NEXN: variants seen among roughly 807,000 people sequenced by gnomAD.
The protein encoded by NEXN is nexilin.
NEXN carries 65 observed loss-of-function variants against 92.6 expected under a neutral mutation model. The ratio of observed to expected loss-of-function variants is 0.70; its 90% confidence interval spans 0.57 to 0.86. NEXN has a LOEUF of 0.86. Among genes scored for constraint, NEXN ranks in the 40% least tolerant of loss-of-function variants. The probability of loss-of-function intolerance (pLI) is 0.00; values close to 1 mark genes in which losing one functional copy is unlikely to be tolerated. For synonymous variants in NEXN, 254 were observed against 242.5 expected, an observed-to-expected ratio of 1.05 and a Z score of -0.44; for missense variants, 778 against 771.1, an observed-to-expected ratio of 1.01 and a Z score of -0.11.
At chr1:77,911,924 C>T (rs1343545683) in intron 1 of NEXN, among the ~76,000 whole-genome samples, 2 of 151,460 alleles carry the variant, frequency 1.3e-5, no homozygotes, top group Non-Finnish European at 1.5e-5. Context: ...ACTAAAAATA[C>T]AAAAATTAGC....
chr1:77,898,831 T>C (rs1647443774), intron 1 of NEXN, among the ~76,000 whole-genome samples: 1 of 151,746 alleles, frequency 6.6e-6, no homozygotes, highest in Non-Finnish European at 1.5e-5. Flanking sequence ...AACAACCCCA[T>C]CAAAAAGTGG....
chr1:77,894,530 T>C (rs916010544), intron 1 of NEXN, among the ~76,000 whole-genome samples: 2 of 151,824 alleles, frequency 1.3e-5, no homozygotes, highest in Non-Finnish European at 2.9e-5. Flanking sequence ...AGTCTCTATG[T>C]CCCAGCTTCA....
At chr1:77,908,036 G>A (rs1290414591) in intron 1 of NEXN, among the ~76,000 whole-genome samples, 2 of 151,956 alleles carry the variant, frequency 1.3e-5, no homozygotes, top group Non-Finnish European at 2.9e-5. Flanking sequence ...ATCACTTGAG[G>A]CCAGGAGTTC....
intron 1 of NEXN, among the ~76,000 whole-genome samples, chr1:77,905,570 T>C (rs529956430): frequency 6.6e-6 from 1 of 151,212 alleles, no homozygotes; most frequent in African/African-American, 2.4e-5. Context: ...TGCAAGCCTG[T>C]AGTACCACTC....
intron 11 of NEXN, chr1:77,941,596 TAAGAAGGGTA>T (rs1557996066): frequency 5.2e-6 from 1 of 193,414 alleles, no homozygotes; most frequent in African/African-American, 2.4e-5. Context: ...GACATAGTTC[TAAGAAGGGTA>T]AAGAAGGAAA....
At chr1:77,939,523 G>A (rs903239088) in intron 11 of NEXN, among the ~76,000 whole-genome samples, 1 of 152,208 alleles carries the variant, frequency 6.6e-6, no homozygotes, top group African/African-American at 2.4e-5. Context: ...GCATGCACTT[G>A]CTTCCTTTTG....
At position 77,925,235 on chromosome 1, in the gene NEXN, C is replaced by T; in HGVS notation, c.489+6C>T. 6.3e-7 allele frequency: 1 copy of T among 1,586,478 alleles called. No homozygotes were observed. The highest frequency in any genetic ancestry group is 8.6e-7 in the Non-Finnish European group (1 of 1,157,074). The stretch of plus-strand genomic sequence containing the variant: ...GAACTGAATCAGCATCAGAGGTAAA[C>T]AGACATTTCCTTTAATGAAACATTC... On this transcript the variant is annotated splice_donor_region_variant and intron_variant, in intron 6 of 12. Coordinates refer to ENST00000334785, the MANE Select transcript of NEXN (RefSeq NM_144573.4).
At chr1:77,914,230 G>A (rs1648792555) in intron 1 of NEXN, among the ~76,000 whole-genome samples, 1 of 152,112 alleles carries the variant, frequency 6.6e-6, no homozygotes, top group Non-Finnish European at 1.5e-5. Context: ...GTAAACTATG[G>A]ACTCTGGGTG....
At position 77,942,485 on chromosome 1, in the gene NEXN, G is replaced by A. The variant is rs794729085; in HGVS notation, c.1684G>A (p.Glu562Lys). The change falls in exon 13 of 13, where the codon GAA becomes AAA. Residue 562 changes from glutamate to lysine, a missense_variant. Coordinates refer to ENST00000334785, the MANE Select transcript of NEXN (RefSeq NM_144573.4). Reference sequence around the variant, plus strand: ...GAAAAGAGAAGAGGAGGAGGAGGAAGAAGGTAGCATCATGAATGGCTCCAC... The same window carrying A: ...GAAAAGAGAAGAGGAGGAGGAGGAAAAAGGTAGCATCATGAATGGCTCCAC... ...QKKREEEEEE[E>K]GSIMNGSTAE... 1 of 1,613,784 alleles carries A rather than the reference G, an allele frequency of 6.2e-7. No homozygotes were observed. The highest frequency in any genetic ancestry group is 1.3e-5 in the African/African-American group (1 of 75,022).
At chr1:77,911,214 G>A (rs1160432361) in intron 1 of NEXN, among the ~76,000 whole-genome samples, 1 of 152,156 alleles carries the variant, frequency 6.6e-6, no homozygotes, top group Non-Finnish European at 1.5e-5. Context: ...TCCAAAATCT[G>A]AAACCTTTGG....
chr1:77,929,569 ATTAGACT>A lies in NEXN; in HGVS notation c.1053+71_1053+77del, dbSNP rs1650130294. 10 of 1,597,226 alleles carry A rather than the reference ATTAGACT, an allele frequency of 6.3e-6. 1 individual carries two copies. The highest frequency in any genetic ancestry group is 4.5e-4 in the Middle Eastern group (2 of 4,426). On this transcript the variant is annotated intron_variant, in intron 9 of 12. Coordinates refer to ENST00000334785, the MANE Select transcript of NEXN (RefSeq NM_144573.4). ...CCTTTGAGAATATGTTAATAGAATC[ATTAGACT>A]TTAGAGAATACCCTATTATTTCTGG...
rs1649089536 is a variant in NEXN at position 77,917,737 on chromosome 1, T to G, written c.199T>G (p.Trp67Gly). The G allele has an allele frequency of 1.3e-6, 2 of 1,569,160 alleles. No homozygotes were observed. Among genetic ancestry groups the G allele is most frequent in the East Asian group, 2.2e-5 (1 of 44,564 alleles). The change falls in exon 3 of 13, where the codon TGG (tryptophan) becomes GGG (glycine). Residue 67 changes from tryptophan to glycine, a missense_variant. Trp to Gly is a radical substitution (Grantham distance 184, BLOSUM62 -2). Around this residue, in one of 3 missense-constraint regions of NEXN, gnomAD observed 236 missense variants for 265.6 expected, o/e 0.89. Transcript: ENST00000334785. The stretch of plus-strand genomic sequence containing the variant: ...AGAACAATATATTAGAGAGAGAGAA[T>G]GGAACAGGAGAAAGCAGGAGGTTAT... ...RKEQYIRERE[W>G]NRRKQEIKEM... is the part of the protein sequence containing the mutation.
intron 2 of NEXN, among the ~76,000 whole-genome samples, chr1:77,916,665 A>G (rs563169719): frequency 1.3e-5 from 2 of 152,320 alleles, no homozygotes; most frequent in African/African-American, 4.8e-5. Flanking sequence ...AGATTATAAA[A>G]TACAAGTTGG....
At chr1:77,912,078 C>T (rs890138968) in intron 1 of NEXN, among the ~76,000 whole-genome samples, 2 of 76,462 alleles carry the variant, frequency 2.6e-5, no homozygotes, top group East Asian at 3.8e-4. Context: ...GACTCTGTCT[C>T]AAAAAAAAAA....
At chr1:77,895,676 C>A (rs187098246) in intron 1 of NEXN, among the ~76,000 whole-genome samples, 1 of 152,100 alleles carries the variant, frequency 6.6e-6, no homozygotes, top group East Asian at 1.9e-4. Flanking sequence ...TCAGTCTGGT[C>A]AACATGGTGA....
chr1:77,889,192 G>A, intron 1 of NEXN: 1 of 152,648 alleles, frequency 6.6e-6, no homozygotes, highest in East Asian at 1.9e-4. Flanking sequence ...GTTCAGTGCC[G>A]TCCCCCACCA....
At position 77,917,790 on chromosome 1, in the gene NEXN, A is replaced by G. The variant is rs746345040; in HGVS notation, c.219+33A>G. 14 of 1,541,702 alleles carry G rather than the reference A, an allele frequency of 9.1e-6. No homozygotes were observed. The East Asian group carries it at 2.0e-4, about 22-fold the overall frequency. ...TATTTTACTTTATTCTCGTGAAAATATTTGTTTGCATTTTTTCATTTAAAT... is the reference window on the plus strand; with the variant it reads ...TATTTTACTTTATTCTCGTGAAAATGTTTGTTTGCATTTTTTCATTTAAAT... On this transcript the variant is annotated intron_variant, in intron 3 of 12. Coordinates refer to ENST00000334785, the MANE Select transcript of NEXN (RefSeq NM_144573.4).
intron 10 of NEXN, 63 bp from the exon 11 acceptor site, chr1:77,935,760 C>G (rs953220021): frequency 1.7e-5 from 25 of 1,478,878 alleles, no homozygotes; most frequent in Non-Finnish European, 2.3e-5. Flanking sequence ...CAAGGCCAGC[C>G]TTGGCAACAT....
chr1:77,933,532 T>A, intron 10 of NEXN, 53 bp downstream of exon 10: 1 of 1,218,160 alleles, frequency 8.2e-7, no homozygotes, highest in Non-Finnish European at 1.2e-6. Flanking sequence ...CTAAATATTT[T>A]ACTTATATCA....
Sources: allele counts gnomAD v4.1 joint callset (sites outside exome capture counted in the v4.1 genomes callset), GRCh38; gene constraint gnomAD v4.1.1; regional missense constraint gnomAD v4.1.1; transcripts MANE v1.5; gene names NCBI Gene and HGNC (gene_info 2026-07-23, HGNC 2026-07-21).